Variants in GATAD2B observed in about 807,000 individuals in gnomAD.
GATAD2B encodes the protein transcriptional repressor p66-beta.
In GATAD2B, 8 loss-of-function variants were observed where a neutral mutation model predicts 64.3. The ratio of observed to expected loss-of-function variants is 0.12; its 90% confidence interval spans 0.07 to 0.22. GATAD2B has a LOEUF of 0.22. GATAD2B is among the 10% of genes least tolerant of loss of function. The pLI is 1.00. For missense variants in GATAD2B, 453 were observed against 752.0 expected, an observed-to-expected ratio of 0.60 and a Z score of 4.65; for synonymous variants, 281 against 271.3, an observed-to-expected ratio of 1.04 and a Z score of -0.35.
At position 153,922,810 on chromosome 1, in the gene GATAD2B, G is replaced by A. The variant is rs1286561577; in HGVS notation, c.-79C>T. Reference sequence around the variant, plus strand: ...AGGCGTCGAAAAAGGAAGAGGCGACGGCACAGGGGATCCAGACCCTGCTGA... The same window carrying A: ...AGGCGTCGAAAAAGGAAGAGGCGACAGCACAGGGGATCCAGACCCTGCTGA... On this transcript the variant is annotated 5_prime_UTR_variant, in exon 1 of 11. Coordinates refer to ENST00000368655, the MANE Select transcript of GATAD2B (RefSeq NM_020699.4). 1 of 145,636 alleles carries A rather than the reference G, an allele frequency of 6.9e-6. No homozygotes were observed. The highest frequency in any genetic ancestry group is 1.5e-5 in the Non-Finnish European group (1 of 66,296). 9.0% of individuals were successfully genotyped at this position (145,636 alleles called of 1,614,324 possible). A position where few individuals can be genotyped will look rare whatever the true frequency, so the allele number is the denominator to read the frequency against.
chr1:153,852,868 A>C (rs1675950790), intron 1 of GATAD2B: 5 of 777,788 alleles, frequency 6.4e-6, no homozygotes, highest in African/African-American at 5.1e-5. Context: ...CTGTCCTACC[A>C]AGAGCTCTGA....
chr1:153,846,545 G>C (rs917056793), intron 1 of GATAD2B, among the ~76,000 whole-genome samples: 2 of 134,590 alleles, frequency 1.5e-5, no homozygotes, highest in African/African-American at 5.6e-5. Context: ...ACCCCTTCTT[G>C]TTCTTTGCGT....
intron 1 of GATAD2B, among the ~76,000 whole-genome samples, chr1:153,859,963 A>T (rs772584228): frequency 1.4e-4 from 16 of 117,690 alleles, no homozygotes; most frequent in Non-Finnish European, 2.4e-4. Context: ...TGTTGCCCAG[A>T]CTGGAGTGCA....
chr1:153,903,825 A>G (rs1345761327), intron 1 of GATAD2B, among the ~76,000 whole-genome samples: 1 of 152,148 alleles, frequency 6.6e-6, no homozygotes, highest in Non-Finnish European at 1.5e-5. Context: ...TCTACAAAAA[A>G]TACAAAAAAT....
chr1:153,898,806 G>A (rs1402954019), intron 1 of GATAD2B: 5 of 152,200 alleles, frequency 3.3e-5, no homozygotes, highest in Non-Finnish European at 5.9e-5. Context: ...ATTAGAGCAA[G>A]AAAATCAGTC....
chr1:153,822,942 G>C (rs1674735151), intron 2 of GATAD2B, among the ~76,000 whole-genome samples: 1 of 152,034 alleles, frequency 6.6e-6, no homozygotes, highest in African/African-American at 2.4e-5. Context: ...TCAGCCTCCT[G>C]AGTAGCTAGT....
At chr1:153,830,636 C>T (rs1435315245) in intron 1 of GATAD2B, among the ~76,000 whole-genome samples, 6 of 150,070 alleles carry the variant, frequency 4.0e-5, no homozygotes, top group Non-Finnish European at 7.4e-5. Flanking sequence ...CCACTACGCC[C>T]GGCTAATTTT....
intron 1 of GATAD2B, among the ~76,000 whole-genome samples, chr1:153,864,397 G>A (rs755655599): frequency 1.3e-5 from 2 of 152,196 alleles, no homozygotes; most frequent in Admixed American, 6.5e-5. Context: ...CGGGAGGAGA[G>A]CCTAAGCTCA....
rs375885886 is a variant in GATAD2B at position 153,828,999 on chromosome 1, G to C, written c.-1-651C>G. Among the ~76,000 whole-genome samples the C allele has an allele frequency of 8.5e-5, 13 of 152,216 alleles. No individual in the cohort carries two copies. The East Asian group carries it at 2.1e-3, about 25-fold the overall frequency. On this transcript the variant is annotated intron_variant, in intron 1 of 10. Coordinates refer to ENST00000368655, the MANE Select transcript of GATAD2B (RefSeq NM_020699.4). ...GTGGGAGGATGGCTTGAGCCCAGGA[G>C]TTCAAGACCAGCCTGGGCAAAATGG...
chr1:153,812,025 C>T lies in GATAD2B; in HGVS notation c.1527G>A (p.Arg509=). 1 of 1,588,736 alleles carries T rather than the reference C, an allele frequency of 6.3e-7. No homozygotes were observed. The highest frequency in any genetic ancestry group is 8.6e-7 in the Non-Finnish European group (1 of 1,157,916). Residue 509 remains arginine, a synonymous_variant, in exon 9 of 11, where the codon CGG becomes CGA. Transcript: ENST00000368655. ...QETIMRHHTL[R]QAPQPQSSLQ... is the part of the protein sequence containing the mutation. Reference sequence around the variant, plus strand: ...GATCAGGCAAAAAGTTCCTTACCTGCCGAAGCGTATGATGTCTCATGATGG... The same window carrying T: ...GATCAGGCAAAAAGTTCCTTACCTGTCGAAGCGTATGATGTCTCATGATGG...
chr1:153,876,227 C>CAAAAAAAAAAAA lies in GATAD2B; in HGVS notation c.-2+46494_-2+46505dup, dbSNP rs71093296. ...TGGGCAACACAGTGAGACTTCGTCT[C>CAAAAAAAAAAAA]AAAAAAAAAAAAAAAAAAAAAAAAA... On this transcript the variant is annotated intron_variant, in intron 1 of 10. Coordinates refer to ENST00000368655, the MANE Select transcript of GATAD2B (RefSeq NM_020699.4). 4.6e-3 allele frequency among the ~76,000 whole-genome samples: 222 copies of CAAAAAAAAAAAA among 48,428 alleles called. 30 individuals carry two copies. The highest frequency in any genetic ancestry group is 5.4e-3 in the Admixed American group (15 of 2,792). The allele number at this position is 48,428 out of a possible 152,430, so 31.8% of individuals were successfully genotyped here. A position where few individuals can be genotyped will look rare whatever the true frequency, so the allele number is the denominator to read the frequency against.
At chr1:153,916,865 G>A (rs1478177676) in intron 1 of GATAD2B, among the ~76,000 whole-genome samples, 1 of 152,042 alleles carries the variant, frequency 6.6e-6, no homozygotes, top group Admixed American at 6.6e-5. Context: ...CTAGAGCACA[G>A]TGGCACAATC....
intron 10 of GATAD2B, among the ~76,000 whole-genome samples, chr1:153,811,035 G>T (rs1000507190): frequency 3.9e-5 from 6 of 152,126 alleles, no homozygotes; most frequent in Non-Finnish European, 5.9e-5. Flanking sequence ...AAAGTGCTGG[G>T]ATTATAGGCA....
intron 1 of GATAD2B, among the ~76,000 whole-genome samples, chr1:153,878,906 T>C (rs1254710608): frequency 2.7e-5 from 4 of 150,286 alleles, no homozygotes; most frequent in African/African-American, 9.8e-5. Flanking sequence ...GGCTCCCGAG[T>C]AGTTGGGATT....
At chr1:153,889,543 C>T (rs998093151) in intron 1 of GATAD2B, 26 of 156,612 alleles carry the variant, frequency 1.7e-4, no homozygotes, top group Non-Finnish European at 3.2e-4. Context: ...ATCCAATTAT[C>T]GGAATTTCAA....
chr1:153,844,182 CAT>C (rs1675599572), intron 1 of GATAD2B, among the ~76,000 whole-genome samples: 1 of 151,932 alleles, frequency 6.6e-6, no homozygotes, highest in Non-Finnish European at 1.5e-5. Flanking sequence ...CTGATCAGCA[CAT>C]GTGACTGAGG....
intron 1 of GATAD2B, among the ~76,000 whole-genome samples, chr1:153,863,630 CTT>C (rs572570661): frequency 6.7e-6 from 1 of 148,354 alleles, no homozygotes; most frequent in African/African-American, 2.5e-5. Flanking sequence ...TTCTGTTTTT[CTT>C]TTTTTTTTCC....
intron 1 of GATAD2B, among the ~76,000 whole-genome samples, chr1:153,863,478 G>A (rs910969152): frequency 2.0e-5 from 3 of 148,524 alleles, no homozygotes; most frequent in East Asian, 2.0e-4. Flanking sequence ...CCTGGGTGAC[G>A]ACAGTGAACC....
chr1:153,822,671 T>C (rs1008254972), intron 2 of GATAD2B, among the ~76,000 whole-genome samples: 1 of 152,066 alleles, frequency 6.6e-6, no homozygotes, highest in African/African-American at 2.4e-5. Flanking sequence ...ACCCGGCTAA[T>C]TTTTGTATTT....
Sources: allele counts gnomAD v4.1 joint callset (sites outside exome capture counted in the v4.1 genomes callset), GRCh38; gene constraint gnomAD v4.1.1; transcripts MANE v1.5; gene names NCBI Gene and HGNC (gene_info 2026-07-23, HGNC 2026-07-21).